Variants in BMX observed in about 807,000 individuals in gnomAD.
The protein encoded by BMX is BMX non-receptor tyrosine kinase.
Under a neutral mutation model 59.2 loss-of-function variants are expected in BMX, and 31 were observed. The observed-to-expected ratio is 0.52, with a 90% CI of 0.39 to 0.71. The LOEUF is 0.71. BMX is among the 30% of genes least tolerant of loss of function. BMX has a pLI of 0.00. For missense variants in BMX, 474 were observed against 491.7 expected, an observed-to-expected ratio of 0.96 and a Z score of 0.34; for synonymous variants, 185 against 181.0, an observed-to-expected ratio of 1.02 and a Z score of -0.18.
chrX:15,525,212 A>G, intron 7 of BMX, 76 bp from the exon 8 acceptor site: 1 of 997,853 alleles, frequency 1.0e-6, no homozygotes, highest in Non-Finnish European at 1.4e-6. Context: ...ACATATCTGA[A>G]CAAAATTACT....
intron 4 of BMX, among the ~76,000 whole-genome samples, chrX:15,514,668 G>T (rs771158907): frequency 8.9e-6 from 1 of 112,090 alleles, no homozygotes; most frequent in South Asian, 3.7e-4. Context: ...AGGCTAATTT[G>T]TTATAGATTA....
At chrX:15,528,770 A>G (rs1027817174) in intron 9 of BMX, among the ~76,000 whole-genome samples, 2 of 112,189 alleles carry the variant, frequency 1.8e-5, no homozygotes, top group African/African-American at 6.5e-5. Context: ...ATTATGACAC[A>G]GGCAACGTTT....
chrX:15,550,665 TACACACAC>T (rs58905214), intron 18 of BMX, among the ~76,000 whole-genome samples: 3,800 of 86,587 alleles, frequency 0.044, 141 homozygotes, highest in African/African-American at 0.11. Flanking sequence ...TCAAAGTCTT[TACACACAC>T]ACACACACAC....
chrX:15,537,261 C>T lies in BMX; in HGVS notation c.1350C>T (p.Gly450=). Residue 450 remains glycine (G), a synonymous_variant, in exon 14 of 19, where the codon GGC becomes GGT. Transcript: ENST00000348343. ...YDVAVKMIKE[G]SMSEDEFFQE... ...TTGCTGTTAAGATGATCAAGGAGGG[C>T]TCCATGTCAGAAGATGAATTCTTTC... 2 of 1,209,689 alleles carry T rather than the reference C, an allele frequency of 1.7e-6. No individual in the cohort carries two copies. Among genetic ancestry groups the T allele is most frequent in the East Asian group, 3.0e-5 (1 of 33,751 alleles).
At chrX:15,533,907 G>A (rs1386413143) in intron 11 of BMX, among the ~76,000 whole-genome samples, 1 of 111,493 alleles carries the variant, frequency 9.0e-6, no homozygotes, top group Non-Finnish European at 1.9e-5. Flanking sequence ...GATCATCAAA[G>A]AAAGATTCCA....
intron 9 of BMX, among the ~76,000 whole-genome samples, chrX:15,527,214 A>AC (rs1924792334): frequency 1.2e-5 from 1 of 83,121 alleles, no homozygotes; most frequent in Non-Finnish European, 2.2e-5. Flanking sequence ...AAAAAAAAAA[A>AC]AAACAACACA....
At chrX:15,504,120 C>T (rs1023063752) in intron 1 of BMX, among the ~76,000 whole-genome samples, 3 of 112,226 alleles carry the variant, frequency 2.7e-5, no homozygotes, top group African/African-American at 6.5e-5. Context: ...TTCTAAAATA[C>T]CTTACTTGGC....
chrX:15,537,743 GT>G (rs1048841473), intron 14 of BMX, among the ~76,000 whole-genome samples: 1 of 111,294 alleles, frequency 9.0e-6, no homozygotes, highest in African/African-American at 3.3e-5. Flanking sequence ...TTGGCTAGGG[GT>G]AGTGTGCTTT....
In BMX at chrX:15,527,261, TATATATATATATATATATATATAC is replaced by T. The variant is rs1241008142; in HGVS notation, c.884+1168_884+1191del. ...ACACACACACAAATATATATATATA[TATATATATATATATATATATATAC>T]ACACACACACACACACATATATATA... On this transcript the variant is annotated intron_variant, in intron 9 of 18. Transcript: ENST00000348343. Among the ~76,000 whole-genome samples the T allele has an allele frequency of 4.6e-3, 38 of 8,228 alleles. 1 individual carries two copies. Among genetic ancestry groups the T allele is most frequent in the African/African-American group, 0.017 (37 of 2,203 alleles). 7.1% of individuals were successfully genotyped at this position (8,228 alleles called of 115,157 possible).
At chrX:15,529,915 T>C (rs749504628) in intron 9 of BMX, 58 bp from the exon 10 acceptor site, 3 of 1,068,770 alleles carry the variant, frequency 2.8e-6, no homozygotes, top group African/African-American at 3.7e-5. Flanking sequence ...AAGTTGAGTG[T>C]CAAGCTATAC....
At chrX:15,512,121 T>C (rs913509554) in intron 4 of BMX, among the ~76,000 whole-genome samples, 1 of 111,853 alleles carries the variant, frequency 8.9e-6, no homozygotes, top group African/African-American at 3.3e-5. Context: ...ACCAATACAT[T>C]GTAAATGCTA....
At chrX:15,538,502 T>C (rs1032079067) in intron 14 of BMX, among the ~76,000 whole-genome samples, 3 of 112,114 alleles carry the variant, frequency 2.7e-5, no homozygotes, top group African/African-American at 9.7e-5. Context: ...TTGAGAGCAC[T>C]TTTTAAATTT....
intron 18 of BMX, among the ~76,000 whole-genome samples, chrX:15,554,480 A>G (rs1926335398): frequency 9.1e-6 from 1 of 110,458 alleles, no homozygotes; most frequent in African/African-American, 3.3e-5. Context: ...GGAGAGTAAT[A>G]CTTTAAGTTA....
At chrX:15,549,501 T>C (rs1926094032) in intron 17 of BMX, among the ~76,000 whole-genome samples, 1 of 111,966 alleles carries the variant, frequency 8.9e-6, no homozygotes, top group South Asian at 3.7e-4. Context: ...TAGTTGTCAC[T>C]GTGAGGCTGA....
At chrX:15,526,000 T>G (rs754045058) in intron 8 of BMX, 42 bp from the exon 9 acceptor site, 13 of 1,131,758 alleles carry the variant, frequency 1.1e-5, no homozygotes, top group Non-Finnish European at 1.6e-5. Context: ...GATTATTTCT[T>G]GGTGCTTTTC....
intron 6 of BMX, among the ~76,000 whole-genome samples, chrX:15,519,035 T>C (rs1396044359): frequency 8.9e-6 from 1 of 111,777 alleles, no homozygotes; most frequent in Non-Finnish European, 1.9e-5. Flanking sequence ...TGTATGTAGC[T>C]CTCTCTCGAA....
At chrX:15,553,034 T>C (rs1471375052) in intron 18 of BMX, among the ~76,000 whole-genome samples, 1 of 112,291 alleles carries the variant, frequency 8.9e-6, no homozygotes, top group Non-Finnish European at 1.9e-5. Flanking sequence ...GTATCTTAGG[T>C]GCGTTACTCA....
At position 15,530,879 on chromosome X, in the gene BMX, G is replaced by A. The variant is rs181321029; in HGVS notation, c.940-449G>A. On this transcript the variant is annotated intron_variant, in intron 10 of 18. Transcript: ENST00000348343. ...TGAGAATGTAATGACTTCATTTGGC[G>A]TTTTGTCACATTCATAGTTTATAAT... is the stretch of plus-strand genomic sequence containing the variant. Among the ~76,000 whole-genome samples the A allele has an allele frequency of 6.3e-5, 7 of 111,820 alleles. No homozygotes were observed. In the South Asian group the frequency reaches 1.9e-3, roughly 30 times the overall value.
intron 18 of BMX, among the ~76,000 whole-genome samples, chrX:15,554,234 A>G (rs934091847): frequency 2.7e-5 from 3 of 112,227 alleles, no homozygotes; most frequent in African/African-American, 9.7e-5. Context: ...GCAATGTAAG[A>G]GGGTACCTAT....
Sources: allele counts gnomAD v4.1 joint callset (sites outside exome capture counted in the v4.1 genomes callset), GRCh38; gene constraint gnomAD v4.1.1; transcripts MANE v1.5; gene names NCBI Gene and HGNC (gene_info 2026-07-23, HGNC 2026-07-21).